The following THOC1 variants were observed in gnomAD, a reference collection of about 807,000 sequenced individuals.
THOC1 encodes the protein THO complex subunit 1, also known as THO complex 1.
In THOC1, 29 loss-of-function variants were observed where a neutral mutation model predicts 97.3. That is an observed-to-expected ratio of 0.30 (90% confidence interval 0.22 to 0.41). THOC1 has a LOEUF of 0.41. Ranked by LOEUF, THOC1 falls within the 10% of genes least tolerant of loss-of-function variation. The pLI is 1.00. For missense variants in THOC1, 529 were observed against 761.9 expected, an observed-to-expected ratio of 0.69 and a Z score of 3.60; for synonymous variants, 255 against 257.0, an observed-to-expected ratio of 0.99 and a Z score of 0.07.
chr18:256,888 T>A (rs1186765072), intron 7 of THOC1, among the ~76,000 whole-genome samples: 4 of 152,176 alleles, frequency 2.6e-5, no homozygotes, highest in Non-Finnish European at 4.4e-5. Flanking sequence ...AAAATTGTCA[T>A]AGCCAGCCCA....
intron 11 of THOC1, among the ~76,000 whole-genome samples, chr18:240,638 A>C (rs1331178801): frequency 6.6e-6 from 1 of 152,192 alleles, no homozygotes; most frequent in Non-Finnish European, 1.5e-5. Flanking sequence ...AGACTTCTAA[A>C]GCAGGGATCC....
chr18:215,737 C>A lies in THOC1; in HGVS notation c.1603-233G>T, dbSNP rs536071957. 4.4e-5 allele frequency: 20 copies of A among 455,166 alleles called. No homozygotes were observed. In the South Asian group the frequency reaches 5.5e-4, roughly 13 times the overall value. The allele number at this position is 455,166 out of a possible 1,614,324, so 28.2% of individuals were successfully genotyped here. The stretch of plus-strand genomic sequence containing the variant: ...GTTGGAAAGACTCCCCACCCCCAAT[C>A]TGGGAAGCAGGAAGTCAGTAAAAAG... On this transcript the variant is annotated intron_variant, in intron 19 of 20. Transcript: ENST00000261600.
At chr18:265,435 T>C in intron 2 of THOC1, 22 bp downstream of exon 2, 1 of 1,587,366 alleles carries the variant, frequency 6.3e-7, no homozygotes, top group Non-Finnish European at 8.6e-7. Context: ...GCAAGTATTT[T>C]TCATAGATAT....
chr18:245,203 G>GT (rs1165804866), intron 11 of THOC1: 1 of 152,064 alleles, frequency 6.6e-6, no homozygotes, highest in East Asian at 1.9e-4. Context: ...GATTTTGCTG[G>GT]TGATCCTTCT....
At chr18:258,655 A>G (rs1220844626) in intron 7 of THOC1, among the ~76,000 whole-genome samples, 1 of 152,160 alleles carries the variant, frequency 6.6e-6, no homozygotes, top group Non-Finnish European at 1.5e-5. Flanking sequence ...AGATATTAAA[A>G]TCTCGCATAT....
chr18:246,238 C>G, intron 11 of THOC1, 86 bp downstream of exon 11: 2 of 1,037,560 alleles, frequency 1.9e-6, no homozygotes, highest in East Asian at 5.3e-5. Flanking sequence ...CATTTCTATT[C>G]AGTTTAACTT....
At chr18:221,821 G>A (rs985947176) in intron 17 of THOC1, among the ~76,000 whole-genome samples, 2 of 152,062 alleles carry the variant, frequency 1.3e-5, no homozygotes, top group African/African-American at 4.8e-5. Flanking sequence ...TGTTAGCCAC[G>A]ATGGTCTCTA....
At chr18:237,731 CTG>C (rs1911757531) in intron 11 of THOC1, among the ~76,000 whole-genome samples, 1 of 152,142 alleles carries the variant, frequency 6.6e-6, no homozygotes, top group African/African-American at 2.4e-5. Context: ...GAGGACTAAA[CTG>C]TACAATAGTT....
intron 8 of THOC1, among the ~76,000 whole-genome samples, chr18:252,936 C>T (rs993910104): frequency 6.6e-6 from 1 of 152,154 alleles, no homozygotes; most frequent in Admixed American, 6.5e-5. Context: ...GACAATTCAA[C>T]AATAAAATGA....
chr18:239,464 C>A (rs1336356936), intron 11 of THOC1, among the ~76,000 whole-genome samples: 1 of 152,054 alleles, frequency 6.6e-6, no homozygotes, highest in Non-Finnish European at 1.5e-5. Context: ...GCCACCACGC[C>A]CGGCTAATTT....
At chr18:248,854 G>A (rs568796043) in intron 9 of THOC1, among the ~76,000 whole-genome samples, 3 of 151,962 alleles carry the variant, frequency 2.0e-5, no homozygotes, top group East Asian at 1.9e-4. Flanking sequence ...GGGTTCAAGC[G>A]ATTCTCCTGC....
At position 259,217 on chromosome 18, in the gene THOC1, G is replaced by A. The variant is rs1567856943; in HGVS notation, c.483C>T (p.Leu161=). The change falls in exon 7 of 21, where the codon CTC becomes CTT. Residue 161 remains leucine, a synonymous_variant. Coordinates refer to ENST00000261600, the MANE Select transcript of THOC1 (RefSeq NM_005131.3). ...QNTVFCGRIQ[L]FLARLFPLSE... ...ACAGAGGGAAAAGCCTGGCCAAAAA[G>A]AGCTGAATCCGTCCACAGAAGACTG... 2.5e-6 allele frequency: 4 copies of A among 1,612,636 alleles called. No homozygotes were observed. Among genetic ancestry groups the A allele is most frequent in the Non-Finnish European group, 3.4e-6 (4 of 1,179,062 alleles).
At position 252,097 on chromosome 18, in the gene THOC1, CT is replaced by C. The variant is rs1912296781; in HGVS notation, c.677+441del. On this transcript the variant is annotated intron_variant, in intron 9 of 20. Transcript: ENST00000261600. The stretch of plus-strand genomic sequence containing the variant: ...AACCTATCTATGCCACTGAGGATTG[CT>C]TTTGGAAAGAAAGCACAGGGCTACA... Among the ~76,000 whole-genome samples the C allele has an allele frequency of 4.6e-5, 7 of 152,192 alleles. No individual in the cohort carries two copies. In the South Asian group the frequency reaches 1.5e-3, roughly 32 times the overall value.
intron 11 of THOC1, among the ~76,000 whole-genome samples, chr18:238,061 C>T (rs1205636762): frequency 3.3e-5 from 5 of 152,046 alleles, no homozygotes; most frequent in Non-Finnish European, 7.4e-5. Flanking sequence ...GATGGGGTTT[C>T]ACCATGTTGG....
intron 12 of THOC1, chr18:226,332 T>C (rs1421839575): frequency 6.4e-6 from 1 of 155,308 alleles, no homozygotes; most frequent in Non-Finnish European, 1.4e-5. Flanking sequence ...TGGAAGTATT[T>C]AGATAGACAG....
chr18:219,487 T>A (rs1324105293), intron 17 of THOC1, among the ~76,000 whole-genome samples: 2 of 151,380 alleles, frequency 1.3e-5, no homozygotes, highest in African/African-American at 4.9e-5. Context: ...GCATATACTC[T>A]TAATAATAAA....
At chr18:235,966 G>A (rs542184511) in intron 11 of THOC1, among the ~76,000 whole-genome samples, 1 of 152,230 alleles carries the variant, frequency 6.6e-6, no homozygotes, top group South Asian at 2.1e-4. Context: ...AATTTTGTAA[G>A]TTTTTGCTTA....
chr18:238,188 A>G (rs1181478699), intron 11 of THOC1, among the ~76,000 whole-genome samples: 2 of 152,010 alleles, frequency 1.3e-5, no homozygotes, highest in African/African-American at 4.8e-5. Flanking sequence ...AATTCTTTTC[A>G]AACTGTCTTT....
chr18:266,986 G>A (rs1438104306), intron 1 of THOC1, among the ~76,000 whole-genome samples: 14 of 145,378 alleles, frequency 9.6e-5, no homozygotes, highest in Non-Finnish European at 1.5e-4. Flanking sequence ...GTGTGTGTGT[G>A]TATATATATA....
Sources: allele counts gnomAD v4.1 joint callset (sites outside exome capture counted in the v4.1 genomes callset), GRCh38; gene constraint gnomAD v4.1.1; transcripts MANE v1.5; gene names NCBI Gene and HGNC (gene_info 2026-07-23, HGNC 2026-07-21).